The following ACR variants were observed in gnomAD, a reference collection of about 807,000 sequenced individuals.
The protein encoded by ACR is acrosin, also known as acrosin light and heavy chain prepropeptide.
Under a neutral mutation model 26.0 loss-of-function variants are expected in ACR, and 17 were observed. The ratio of observed to expected loss-of-function variants is 0.65; its 90% CI spans 0.45 to 0.98. The LOEUF (loss-of-function observed/expected upper bound fraction) is 0.98, where lower values mean the gene tolerates loss of function less well. ACR is among the 50% of genes least tolerant of loss of function. The probability of loss-of-function intolerance (pLI) is 0.00; values close to 1 mark genes in which losing one functional copy is unlikely to be tolerated. For missense variants in ACR, 435 were observed against 519.3 expected (o/e 0.84, Z 1.58); for synonymous variants, 199 against 207.7 (o/e 0.96, Z 0.36).
chr22:50,744,254 C>G, intron 4 of ACR, 48 bp downstream of exon 4: 3 of 1,506,398 alleles, frequency 2.0e-6, no homozygotes, highest in Non-Finnish European at 2.8e-6. Flanking sequence ...CCAGGACTCT[C>G]CCGGCCCCTG....
chr22:50,739,157 G>A lies in ACR; in HGVS notation c.78-114G>A, dbSNP rs1418894400. 16 of 945,552 alleles carry A rather than the reference G, an allele frequency of 1.7e-5. No individual in the cohort carries two copies. In the Admixed American group the frequency reaches 3.4e-4, roughly 20 times the overall value. 58.6% of individuals were successfully genotyped at this position (945,552 alleles called of 1,614,324 possible). A position where few individuals can be genotyped will look rare whatever the true frequency, so the allele number is the denominator to read the frequency against. On this transcript the variant is annotated intron_variant, in intron 1 of 4. Transcript: ENST00000216139. The surrounding 1 kb of genome is among the most constrained non-coding windows in gnomAD (Gnocchi z 5.5). ...GGCTGCCCCTGCTTTCCCAGAACCC[G>A]GAAGCTCTTCCCCACTTTTCCCAAC...
chr22:50,744,753 G>T lies in ACR; in HGVS notation c.812G>T (p.Arg271Leu), dbSNP rs149767101. 1 of 1,603,458 alleles carries T rather than the reference G, an allele frequency of 6.2e-7. No individual in the cohort carries two copies. Among genetic ancestry groups the T allele is most frequent in the East Asian group, 2.3e-5 (1 of 44,262 alleles). ...SWGVGCARAKRPGIYTATWPY... is the reference protein window; with the variant it reads ...SWGVGCARAKLPGIYTATWPY... Reference sequence around the variant, plus strand: ...GGGGTAGGCTGTGCCCGTGCCAAGCGCCCCGGAATCTACACGGCCACCTGG... The same window carrying T: ...GGGGTAGGCTGTGCCCGTGCCAAGCTCCCCGGAATCTACACGGCCACCTGG... The change falls in exon 5 of 5, where the codon CGC (arginine) becomes CTC (leucine). Residue 271 changes from arginine (R) to leucine (L), a missense_variant. By Grantham distance (102) the Arg-to-Leu change is moderately radical. Transcript: ENST00000216139.
At position 50,739,625 on chromosome 22, in the gene ACR, G is replaced by A. The variant is rs1603447574; in HGVS notation, c.282-69G>A. 1 of 1,542,786 alleles carries A rather than the reference G, an allele frequency of 6.5e-7. No homozygotes were observed. The highest frequency in any genetic ancestry group is 8.7e-7 in the Non-Finnish European group (1 of 1,143,616). On this transcript the variant is annotated intron_variant, in intron 2 of 4. Transcript: ENST00000216139. This position sits in a 1 kb window ranked among gnomAD's most constrained non-coding sequence, Gnocchi z 5.5. ...TGGTCCAGACCTTTGCTAGGGGAAG[G>A]CCCTGAGGGTCGCTGTCACCAGGCT...
At position 50,740,543 on chromosome 22, in the gene ACR, A is replaced by G. The variant is rs2083420657; in HGVS notation, c.565+566A>G. On this transcript the variant is annotated intron_variant, in intron 3 of 4. Transcript: ENST00000216139. Reference sequence around the variant, plus strand: ...CTACCCTCTCCATCTGAGTTACTTGACATTTGCTCTGTAGACTGGGAAGGG... The same window carrying G: ...CTACCCTCTCCATCTGAGTTACTTGGCATTTGCTCTGTAGACTGGGAAGGG... 1.6e-5 allele frequency: 11 copies of G among 699,890 alleles called. No individual in the cohort carries two copies. The South Asian group carries it at 1.6e-4, about 10-fold the overall frequency. 43.4% of individuals were successfully genotyped at this position (699,890 alleles called of 1,614,324 possible).
At chr22:50,740,045 C>A (rs536547787) in intron 3 of ACR, 68 bp downstream of exon 3, 99 of 1,597,490 alleles carry the variant, frequency 6.2e-5, no homozygotes, top group Non-Finnish European at 8.4e-5. Context: ...TGAGGTGCAG[C>A]GGTCACTTGT....
In ACR at chr22:50,744,758, G is replaced by A. The variant is rs754872586; in HGVS notation, c.817G>A (p.Gly273Arg). ...GVGCARAKRP[G>R]IYTATWPYLN... The stretch of plus-strand genomic sequence containing the variant: ...AGGCTGTGCCCGTGCCAAGCGCCCC[G>A]GAATCTACACGGCCACCTGGCCCTA... The change falls in exon 5 of 5, where the codon GGA becomes AGA. Residue 273 changes from glycine to arginine, a missense_variant. Around this residue, in one of 3 missense-constraint regions of ACR, gnomAD observed 314 missense variants for 372.0 expected, o/e 0.84. Coordinates refer to ENST00000216139, the MANE Select transcript of ACR (RefSeq NM_001097.3). 2.9e-5 allele frequency: 47 copies of A among 1,612,274 alleles called. No individual in the cohort carries two copies. Among genetic ancestry groups the A allele is most frequent in the Non-Finnish European group, 3.6e-5 (42 of 1,179,364 alleles).
chr22:50,743,049 TG>T (rs1400250360), intron 3 of ACR, among the ~76,000 whole-genome samples: 9 of 152,268 alleles, frequency 5.9e-5, no homozygotes, highest in Admixed American at 5.2e-4. Flanking sequence ...TTTCTTTTTT[TG>T]TTTGAGACGG....
chr22:50,739,958 G>C lies in ACR; in HGVS notation c.546G>C (p.Trp182Cys), dbSNP rs750510857. Residue 182 changes from tryptophan to cysteine, a missense_variant, in exon 3 of 5, where the codon TGG becomes TGC. Around this residue, in one of 3 missense-constraint regions of ACR, gnomAD observed 314 missense variants for 372.0 expected, o/e 0.84. Transcript: ENST00000216139. The surrounding 1 kb of genome is among the most constrained non-coding windows in gnomAD (Gnocchi z 5.5). ...RGSQSCWVAG[W>C]GYIEEKAPRP... ...CCCAGAGCTGCTGGGTGGCCGGCTG[G>C]GGATATATAGAAGAGAAAGGTGAGT... The C allele has an allele frequency of 7.4e-6, 12 of 1,613,758 alleles. No homozygotes were observed. The highest frequency in any genetic ancestry group is 1.0e-5 in the Non-Finnish European group (12 of 1,180,024).
chr22:50,740,740 A>G (rs1416989921), intron 3 of ACR: 1 of 702,342 alleles, frequency 1.4e-6, no homozygotes, highest in African/African-American at 1.7e-5. Flanking sequence ...TCTCTTGCCC[A>G]TCCAACACTA....
rs920934156 is a variant in ACR, at chr22:50,739,567, C to T, written c.281+93C>T. ...GATGCTGTGCAGCGTCTCCCTGGGG[C>T]TCTGGGCCAAGTGGCTGCAAGACTC... On this transcript the variant is annotated intron_variant, in intron 2 of 4. Coordinates refer to ENST00000216139, the MANE Select transcript of ACR (RefSeq NM_001097.3). This position sits in a 1 kb window ranked among gnomAD's most constrained non-coding sequence, Gnocchi z 5.5. 2.4e-5 allele frequency: 38 copies of T among 1,575,962 alleles called. No homozygotes were observed. The highest frequency in any genetic ancestry group is 3.0e-5 in the Non-Finnish European group (35 of 1,154,490).
In ACR at chr22:50,744,658, C is replaced by G; in HGVS notation, c.717C>G (p.Asp239Glu). The G allele has an allele frequency of 6.2e-7, 1 of 1,609,532 alleles. No homozygotes were observed. Among genetic ancestry groups the G allele is most frequent in the Non-Finnish European group, 8.5e-7 (1 of 1,177,480 alleles). The change falls in exon 5 of 5, where the codon GAC (aspartate) becomes GAG (glutamate). Residue 239 changes from aspartate (D) to glutamate (E), a missense_variant. Physicochemically the swap from Asp to Glu is conservative, Grantham distance 45 (BLOSUM62 2). Around this residue, in one of 3 missense-constraint regions of ACR, gnomAD observed 314 missense variants for 372.0 expected, o/e 0.84. Transcript: ENST00000216139. ...CTCTGTGTCCTTCTGGACAGGGAGA[C>G]AGCGGCGGGCCTCTCATGTGCAAAG... ...PVGKIDTCQG[D>E]SGGPLMCKDS...
intron 4 of ACR, 92 bp from the exon 5 acceptor site, chr22:50,744,561 C>G (rs541386500): frequency 6.8e-7 from 1 of 1,470,470 alleles, no homozygotes; most frequent in Non-Finnish European, 9.0e-7. Context: ...GACCATGTCA[C>G]TGTGGAAATT....
rs776104441 is a variant in ACR at position 50,744,661 on chromosome 22, C to T, written c.720C>T (p.Ser240=). The part of the protein sequence containing the change: ...VGKIDTCQGD[S]GGPLMCKDSK... The stretch of plus-strand genomic sequence containing the variant: ...TGTGTCCTTCTGGACAGGGAGACAG[C>T]GGCGGGCCTCTCATGTGCAAAGACA... The change falls in exon 5 of 5, where the codon AGC becomes AGT. Residue 240 remains serine, a synonymous_variant. Transcript: ENST00000216139. The T allele has an allele frequency of 2.5e-5, 40 of 1,609,156 alleles. No homozygotes were observed. Among genetic ancestry groups the T allele is most frequent in the African/African-American group, 5.3e-5 (4 of 74,870 alleles).
chr22:50,743,135 A>C (rs9616953), intron 3 of ACR, among the ~76,000 whole-genome samples: 95,498 of 146,986 alleles, frequency 0.65, 31,387 homozygotes, highest in Non-Finnish European at 0.7. Context: ...TCCCGGGTTC[A>C]CGCCATTCTC....
rs1049212260 is a variant in ACR, at chr22:50,739,182, C to T, written c.78-89C>T. On this transcript the variant is annotated intron_variant, in intron 1 of 4. Coordinates refer to ENST00000216139, the MANE Select transcript of ACR (RefSeq NM_001097.3). This position sits in a 1 kb window ranked among gnomAD's most constrained non-coding sequence, Gnocchi z 5.5. ...GGAAGCTCTTCCCCACTTTTCCCAA[C>T]CCCATGTCCCTGCCTCCCCTCAGTT... The T allele has an allele frequency of 1.6e-6, 2 of 1,252,016 alleles. No individual in the cohort carries two copies. Among genetic ancestry groups the T allele is most frequent in the African/African-American group, 3.0e-5 (2 of 67,272 alleles). 77.6% of individuals were successfully genotyped at this position (1,252,016 alleles called of 1,614,324 possible).
chr22:50,744,433 G>A lies in ACR; in HGVS notation c.712-220G>A. On this transcript the variant is annotated intron_variant, in intron 4 of 4. Coordinates refer to ENST00000216139, the MANE Select transcript of ACR (RefSeq NM_001097.3). ...GCCATGTGCCCCTGTGGACACGTGGGTTTGCTCATCTCACTGCAAGGAAAG... is the reference window on the plus strand; with the variant it reads ...GCCATGTGCCCCTGTGGACACGTGGATTTGCTCATCTCACTGCAAGGAAAG... The A allele has an allele frequency of 8.6e-6, 6 of 696,410 alleles. No homozygotes were observed. In the South Asian group the frequency reaches 1.2e-4, roughly 13 times the overall value. 43.1% of individuals were successfully genotyped at this position (696,410 alleles called of 1,614,324 possible). A position where few individuals can be genotyped will look rare whatever the true frequency, so the allele number is the denominator to read the frequency against.
Position 50,739,718 on chromosome 22 carries a change from T to C in ACR, c.306T>C (p.Val102=). 1 of 1,541,928 alleles carries C rather than the reference T, an allele frequency of 6.5e-7. No homozygotes were observed. Among genetic ancestry groups the C allele is most frequent in the South Asian group, 1.3e-5 (1 of 78,164 alleles). The part of the protein sequence containing the change: ...GKNNVHDWRL[V]FGAKEITYGN... ...GTAATGTGCATGACTGGAGACTGGTTTTCGGAGCAAAGGAAATTACATATG... is the reference window on the plus strand; with the variant it reads ...GTAATGTGCATGACTGGAGACTGGTCTTCGGAGCAAAGGAAATTACATATG... The change falls in exon 3 of 5, where the codon GTT becomes GTC. Residue 102 remains valine (V), a synonymous_variant. Transcript: ENST00000216139. The surrounding 1 kb of genome is among the most constrained non-coding windows in gnomAD (Gnocchi z 5.5).
rs1465583199 is a variant in ACR at position 50,739,610 on chromosome 22, C to A, written c.282-84C>A. On this transcript the variant is annotated intron_variant, in intron 2 of 4. Coordinates refer to ENST00000216139, the MANE Select transcript of ACR (RefSeq NM_001097.3). The surrounding 1 kb of genome is among the most constrained non-coding windows in gnomAD (Gnocchi z 5.5). ...CAAGACTCCGGGGGCTGGTCCAGACCTTTGCTAGGGGAAGGCCCTGAGGGT... is the reference window on the plus strand; with the variant it reads ...CAAGACTCCGGGGGCTGGTCCAGACATTTGCTAGGGGAAGGCCCTGAGGGT... The A allele has an allele frequency of 1.3e-6, 2 of 1,552,138 alleles. No individual in the cohort carries two copies. The highest frequency in any genetic ancestry group is 1.7e-6 in the Non-Finnish European group (2 of 1,145,650).
In ACR at chr22:50,739,579, T is replaced by A; in HGVS notation, c.281+105T>A. ...CGTCTCCCTGGGGCTCTGGGCCAAG[T>A]GGCTGCAAGACTCCGGGGGCTGGTC... On this transcript the variant is annotated intron_variant, in intron 2 of 4. Coordinates refer to ENST00000216139, the MANE Select transcript of ACR (RefSeq NM_001097.3). The surrounding 1 kb of genome is among the most constrained non-coding windows in gnomAD (Gnocchi z 5.5). The A allele has an allele frequency of 6.4e-7, 1 of 1,568,360 alleles. No homozygotes were observed. Among genetic ancestry groups the A allele is most frequent in the Non-Finnish European group, 8.7e-7 (1 of 1,150,466 alleles).
Sources: gnomAD v4.1 joint callset for allele counts (sites outside exome capture counted in the v4.1 genomes callset) on GRCh38, gnomAD v4.1.1 for gene constraint, gnomAD v4.1.1 regional missense constraint, Gnocchi (gnomAD v3.1) non-coding constraint, MANE v1.5 for transcripts, NCBI Gene and HGNC (gene_info 2026-07-23, HGNC 2026-07-21) for gene names.